Variants in PRKCH observed in about 807,000 individuals in gnomAD.
The protein encoded by PRKCH is protein kinase C eta type.
In PRKCH, 28 loss-of-function variants were observed where a neutral mutation model predicts 82.5. That is an observed-to-expected ratio of 0.34 (90% confidence interval 0.25 to 0.47). The LOEUF (loss-of-function observed/expected upper bound fraction) is 0.47, where lower values mean the gene tolerates loss of function less well. Among genes scored for constraint, PRKCH ranks in the 20% least tolerant of loss-of-function variants. The pLI is 1.00. For missense variants in PRKCH, 705 were observed against 881.8 expected (o/e 0.80, Z 2.54); for synonymous variants, 322 against 327.4 (o/e 0.98, Z 0.18).
chr14:61,209,603 G>A (rs2044553898), intron 1 of PRKCH, among the ~76,000 whole-genome samples: 1 of 152,048 alleles, frequency 6.6e-6, no homozygotes, highest in African/African-American at 2.4e-5. Flanking sequence ...ACATAGACTG[G>A]ACCATAGTGA....
intron 1 of PRKCH, among the ~76,000 whole-genome samples, chr14:61,217,508 C>T (rs1594857374): frequency 6.6e-6 from 1 of 152,184 alleles, no homozygotes; most frequent in African/African-American, 2.4e-5. Flanking sequence ...TCTGAGTCTC[C>T]ACTCGCACTT....
chr14:61,324,378 G>A (rs993734817), intron 1 of PRKCH, among the ~76,000 whole-genome samples: 8 of 152,192 alleles, frequency 5.3e-5, no homozygotes, highest in African/African-American at 1.9e-4. Context: ...GTGGTTGGTA[G>A]GGAGGGTCAG....
chr14:61,191,603 G>A (rs1226725810), intron 1 of PRKCH, among the ~76,000 whole-genome samples: 1 of 152,096 alleles, frequency 6.6e-6, no homozygotes, highest in African/African-American at 2.4e-5. Context: ...AAGCTGGGAG[G>A]CGGAGGTTGC....
Position 61,485,551 on chromosome 14 carries a change from T to A in PRKCH, c.1328T>A (p.Phe443Tyr), listed in dbSNP as rs1238675295. The A allele has an allele frequency of 1.9e-6, 3 of 1,614,086 alleles. No individual in the cohort carries two copies. Among genetic ancestry groups the A allele is most frequent in the Non-Finnish European group, 2.5e-6 (3 of 1,180,040 alleles). ...TTTGTGAATGGGGGTGACTTGATGT[T>A]CCACATTCAGAAGTCTCGTCGTTTT... ...MEFVNGGDLM[F>Y]HIQKSRRFDE... Residue 443 changes from phenylalanine to tyrosine, a missense_variant, in exon 10 of 14, where the codon TTC (phenylalanine) becomes TAC (tyrosine). By Grantham distance (22) the Phe-to-Tyr change is conservative. This residue lies in a region of PRKCH where 238 missense variants were observed against 258.1 expected (regional missense o/e 0.92). Coordinates refer to ENST00000332981, the MANE Select transcript of PRKCH (RefSeq NM_006255.5).
At chr14:61,191,289 A>G (rs539467049) in intron 1 of PRKCH, among the ~76,000 whole-genome samples, 1 of 152,318 alleles carries the variant, frequency 6.6e-6, no homozygotes, top group African/African-American at 2.4e-5. Context: ...TGAGTTTGTT[A>G]AGGTAACCAG....
chr14:61,261,191 G>GCACA (rs2045040755), intron 1 of PRKCH, among the ~76,000 whole-genome samples: 1 of 152,012 alleles, frequency 6.6e-6, no homozygotes, highest in African/African-American at 2.4e-5. Context: ...CGTCACCAAC[G>GCACA]CACACACGCA....
intron 9 of PRKCH, among the ~76,000 whole-genome samples, chr14:61,464,049 C>T (rs79421978): frequency 7.6e-4 from 115 of 152,316 alleles, no homozygotes; most frequent in Middle Eastern, 6.8e-3. Flanking sequence ...GGCATCTTTT[C>T]GACATGCTGA....
At chr14:61,473,047 T>A (rs1885573573) in intron 9 of PRKCH, among the ~76,000 whole-genome samples, 1 of 152,150 alleles carries the variant, frequency 6.6e-6, no homozygotes, top group African/African-American at 2.4e-5. Flanking sequence ...GAGGAGGGGC[T>A]GTGTGAGCTG....
chr14:61,192,590 G>A (rs2044413477), intron 1 of PRKCH, among the ~76,000 whole-genome samples: 2 of 152,194 alleles, frequency 1.3e-5, no homozygotes, highest in African/African-American at 2.4e-5. Context: ...AACGGCTGCA[G>A]TGTGGCCAGG....
intron 10 of PRKCH, among the ~76,000 whole-genome samples, chr14:61,528,340 C>T (rs1479947093): frequency 6.6e-6 from 1 of 152,066 alleles, no homozygotes; most frequent in Non-Finnish European, 1.5e-5. Context: ...ACTACAGGTG[C>T]ATGCCACCAT....
At chr14:61,545,881 T>G (rs1236129015) in intron 12 of PRKCH, among the ~76,000 whole-genome samples, 2 of 152,200 alleles carry the variant, frequency 1.3e-5, no homozygotes, top group African/African-American at 4.8e-5. Context: ...TCAGCCACCC[T>G]GGCATATAGA....
At chr14:61,509,571 G>GTT (rs1887289069) in intron 10 of PRKCH, among the ~76,000 whole-genome samples, 1 of 152,084 alleles carries the variant, frequency 6.6e-6, no homozygotes, top group African/African-American at 2.4e-5. Flanking sequence ...ACAGAATACA[G>GTT]TGGGTGCTTA....
At chr14:61,414,189 A>G (rs1490097260) in intron 2 of PRKCH, among the ~76,000 whole-genome samples, 1 of 151,596 alleles carries the variant, frequency 6.6e-6, no homozygotes, top group East Asian at 1.9e-4. Context: ...TCCTCCGTCT[A>G]TATCTGCAGC....
At chr14:61,221,913 G>T (rs2044658818) in intron 1 of PRKCH, among the ~76,000 whole-genome samples, 1 of 152,142 alleles carries the variant, frequency 6.6e-6, no homozygotes, top group African/African-American at 2.4e-5. Context: ...CTAAAAGGCA[G>T]CCTGGGAGAA....
At chr14:61,276,942 G>A (rs1332751277) in intron 1 of PRKCH, among the ~76,000 whole-genome samples, 1 of 152,076 alleles carries the variant, frequency 6.6e-6, no homozygotes, top group Non-Finnish European at 1.5e-5. Context: ...CCAGCACTTT[G>A]GGAGGCCAAG....
intron 10 of PRKCH, chr14:61,528,763 G>T (rs2043003959): frequency 4.8e-6 from 1 of 206,822 alleles, no homozygotes. Flanking sequence ...TATGAGGTAA[G>T]TGGAAAGCCT....
intron 1 of PRKCH, among the ~76,000 whole-genome samples, chr14:61,200,844 T>C (rs1011638267): frequency 4.6e-5 from 7 of 152,188 alleles, no homozygotes; most frequent in Admixed American, 3.3e-4. Context: ...TAGGTATGTA[T>C]GTACAGGAGA....
chr14:61,314,884 G>A (rs183890776), intron 1 of PRKCH, among the ~76,000 whole-genome samples: 99 of 152,008 alleles, frequency 6.5e-4, no homozygotes, highest in African/African-American at 1.7e-3. Flanking sequence ...ATGCCACCCC[G>A]CCCTGACTTT....
intron 1 of PRKCH, among the ~76,000 whole-genome samples, chr14:61,255,113 C>T (rs542911043): frequency 6.6e-6 from 1 of 152,312 alleles, no homozygotes; most frequent in Admixed American, 6.5e-5. Flanking sequence ...GAGTTGTGAA[C>T]CCAGAATAGC....
Sources: allele counts gnomAD v4.1 joint callset (sites outside exome capture counted in the v4.1 genomes callset), GRCh38; gene constraint gnomAD v4.1.1; regional missense constraint gnomAD v4.1.1; transcripts MANE v1.5; gene names NCBI Gene and HGNC (gene_info 2026-07-23, HGNC 2026-07-21).